The following IRF4 variants were observed in gnomAD, a reference collection of about 807,000 sequenced individuals.
The protein encoded by IRF4 is lymphocyte-specific interferon regulatory factor.
Under a neutral mutation model 55.5 loss-of-function variants are expected in IRF4, and 13 were observed. The ratio of observed to expected loss-of-function variants is 0.23; its 90% confidence interval spans 0.15 to 0.37. IRF4 has a LOEUF of 0.37. Among genes scored for constraint, IRF4 ranks in the 10% least tolerant of loss-of-function variants. The pLI is 1.00. For missense variants in IRF4, 397 were observed against 593.8 expected, an observed-to-expected ratio of 0.67 and a Z score of 3.44; for synonymous variants, 249 against 240.7, an observed-to-expected ratio of 1.03 and a Z score of -0.32.
chr6:401,340 A>G, intron 6 of IRF4, 84 bp from the exon 7 acceptor site: 4 of 1,031,360 alleles, frequency 3.9e-6, no homozygotes, highest in Non-Finnish European at 5.7e-6. Flanking sequence ...GAGTTCCACC[A>G]CAGGTGCTTG....
chr6:400,654 T>C (rs1877178), intron 6 of IRF4, among the ~76,000 whole-genome samples: 35,626 of 152,050 alleles, frequency 0.23, 5,748 homozygotes, highest in East Asian at 0.52. Flanking sequence ...AAAATAAAAA[T>C]ATCACATTCT....
chr6:408,081 C>T lies in IRF4; in HGVS notation c.*483C>T. The T allele has an allele frequency of 4.1e-6, 1 of 243,516 alleles. No individual in the cohort carries two copies. Among genetic ancestry groups the T allele is most frequent in the East Asian group, 6.0e-5 (1 of 16,716 alleles). The allele number at this position is 243,516 out of a possible 1,614,324, so 15.1% of individuals were successfully genotyped here. ...ATGTGTTTACATTTACTGAAATGCG[C>T]TCTTTAATTTGTTGTAGATTAGGTC... On this transcript the variant is annotated 3_prime_UTR_variant, in exon 9 of 9. Transcript: ENST00000380956.
chr6:397,177 C>T lies in IRF4; in HGVS notation c.562C>T (p.Pro188Ser), dbSNP rs1761287286. 5 of 1,614,286 alleles carry T rather than the reference C, an allele frequency of 3.1e-6. No homozygotes were observed. Among genetic ancestry groups the T allele is most frequent in the Admixed American group, 1.7e-5 (1 of 60,034 alleles). ...GGACTACGTCCCGGATCAGCCACACCCGGAAATCCCGTACCAATGTCCCAT... is the reference window on the plus strand; with the variant it reads ...GGACTACGTCCCGGATCAGCCACACTCGGAAATCCCGTACCAATGTCCCAT... ...WRDYVPDQPH[P>S]EIPYQCPMTF... Residue 188 changes from proline to serine, a missense_variant, in exon 5 of 9, where the codon CCG becomes TCG. By Grantham distance (74) the Pro-to-Ser change is moderately conservative. Transcript: ENST00000380956.
intron 6 of IRF4, among the ~76,000 whole-genome samples, chr6:400,421 G>A (rs916425975): frequency 6.6e-6 from 1 of 152,128 alleles, no homozygotes; most frequent in Non-Finnish European, 1.5e-5. Context: ...TCAGCAAAAC[G>A]TTTGTAAATG....
chr6:406,811 C>G (rs928030509), intron 8 of IRF4: 1 of 1,202,004 alleles, frequency 8.3e-7, no homozygotes, highest in African/African-American at 1.6e-5. Flanking sequence ...AATACAGTCT[C>G]TAATATCATG....
chr6:397,058 C>T, intron 4 of IRF4, 50 bp from the exon 5 acceptor site: 1 of 1,601,876 alleles, frequency 6.2e-7, no homozygotes, highest in Non-Finnish European at 8.5e-7. Flanking sequence ...TCCTTTACCC[C>T]CGTCTCAATG....
Position 393,105 on chromosome 6 carries a change from C to G in IRF4, c.-48C>G. On this transcript the variant is annotated 5_prime_UTR_variant, in exon 2 of 9. Coordinates refer to ENST00000380956, the MANE Select transcript of IRF4 (RefSeq NM_002460.4). This position sits in a 1 kb window ranked among gnomAD's most constrained non-coding sequence, Gnocchi z 5.4. ...CAGCTCTTCTCCCCGCAGTGCAGAG[C>G]AGAGCGGGCGGAGGACCCCGGGCGC... is the stretch of plus-strand genomic sequence containing the variant. 2 of 1,507,684 alleles carry G rather than the reference C, an allele frequency of 1.3e-6. No individual in the cohort carries two copies. Among genetic ancestry groups the G allele is most frequent in the Non-Finnish European group, 1.8e-6 (2 of 1,114,278 alleles). The allele number at this position is 1,507,684 out of a possible 1,614,324, so 93.4% of individuals were successfully genotyped here. A position where few individuals can be genotyped will look rare whatever the true frequency, so the allele number is the denominator to read the frequency against.
intron 6 of IRF4, among the ~76,000 whole-genome samples, 171 bp from the exon 7 acceptor site, chr6:401,253 G>T (rs1347729954): frequency 2.6e-5 from 4 of 152,218 alleles, no homozygotes; most frequent in Non-Finnish European, 5.9e-5. Context: ...CTCTGGGGGA[G>T]ACAAGGGCAC....
At chr6:402,122 A>G (rs1296474894) in intron 7 of IRF4, among the ~76,000 whole-genome samples, 1 of 152,184 alleles carries the variant, frequency 6.6e-6, no homozygotes, top group African/African-American at 2.4e-5. Flanking sequence ...AAAATCATAA[A>G]GGTTGGAAGC....
intron 6 of IRF4, among the ~76,000 whole-genome samples, chr6:400,858 A>T (rs1258701292): frequency 6.6e-6 from 1 of 152,058 alleles, no homozygotes; most frequent in African/African-American, 2.4e-5. Context: ...TATTTTGGGG[A>T]CGTTTCAGGT....
At chr6:400,045 G>C (rs1761358726) in intron 6 of IRF4, among the ~76,000 whole-genome samples, 1 of 152,126 alleles carries the variant, frequency 6.6e-6, no homozygotes. Context: ...AATGAAACCT[G>C]CCCCGAGAAT....
intron 7 of IRF4, among the ~76,000 whole-genome samples, chr6:404,424 A>C (rs1007259628): frequency 6.6e-6 from 1 of 152,200 alleles, no homozygotes; most frequent in Non-Finnish European, 1.5e-5. Flanking sequence ...CAAGAAGTCT[A>C]CTCAGAGTTA....
rs143144957 is a variant in IRF4, at chr6:397,219, G to T, written c.604G>T (p.Gly202Cys). Residue 202 changes from glycine (G) to cysteine (C), a missense_variant, in exon 5 of 9, where the codon GGC becomes TGC. Gly to Cys is a radical substitution (Grantham distance 159, BLOSUM62 -3). Coordinates refer to ENST00000380956, the MANE Select transcript of IRF4 (RefSeq NM_002460.4). ...YQCPMTFGPR[G>C]HHWQGPACEN... ...ATGTCCCATGACGTTTGGACCCCGC[G>T]GCCACCACTGGCAAGGCCCAGCTTG... 2 of 1,614,260 alleles carry T rather than the reference G, an allele frequency of 1.2e-6. No individual in the cohort carries two copies. The highest frequency in any genetic ancestry group is 8.5e-7 in the Non-Finnish European group (1 of 1,180,052).
In IRF4 at chr6:408,563, C is replaced by T. The variant is rs1761613897; in HGVS notation, c.*965C>T. 4.4e-6 allele frequency: 1 copy of T among 229,782 alleles called. No individual in the cohort carries two copies. The highest frequency in any genetic ancestry group is 8.6e-6 in the Non-Finnish European group (1 of 115,894). The allele number at this position is 229,782 out of a possible 1,614,324, so 14.2% of individuals were successfully genotyped here. A position where few individuals can be genotyped will look rare whatever the true frequency, so the allele number is the denominator to read the frequency against. On this transcript the variant is annotated 3_prime_UTR_variant, in exon 9 of 9. Transcript: ENST00000380956. ...TTTCTTGTTTCTGCATCTTTTTGAC[C>T]CTCATTCTTTAGAGATGCTAAAATT...
chr6:392,990 T>G (rs1020715347), intron 1 of IRF4, 108 bp from the exon 2 acceptor site: 58 of 623,982 alleles, frequency 9.3e-5, no homozygotes, highest in Middle Eastern at 8.8e-4. Flanking sequence ...CGCGCGCGCT[T>G]CGCAGCCTCA....
At chr6:394,609 C>T (rs1392270567) in intron 2 of IRF4, among the ~76,000 whole-genome samples, 6 of 152,154 alleles carry the variant, frequency 3.9e-5, no homozygotes, top group Admixed American at 1.3e-4. Context: ...ATTAGCCAGG[C>T]ATGGTGGTGA....
chr6:400,245 C>A (rs1761363048), intron 6 of IRF4, among the ~76,000 whole-genome samples: 1 of 152,116 alleles, frequency 6.6e-6, no homozygotes, highest in South Asian at 2.1e-4. Context: ...GCCATGAGCA[C>A]ATTTATTAGA....
At chr6:400,623 A>G (rs1163250645) in intron 6 of IRF4, among the ~76,000 whole-genome samples, 1 of 152,224 alleles carries the variant, frequency 6.6e-6, no homozygotes, top group African/African-American at 2.4e-5. Flanking sequence ...ACTAATTTAA[A>G]AATCAGAAAA....
intron 1 of IRF4, among the ~76,000 whole-genome samples, chr6:392,493 C>A (rs1219577829): frequency 6.6e-6 from 1 of 152,272 alleles, no homozygotes; most frequent in Non-Finnish European, 1.5e-5. Flanking sequence ...CGCGTCTGCG[C>A]CACTTGTCGT....
Sources: allele counts gnomAD v4.1 joint callset (sites outside exome capture counted in the v4.1 genomes callset), GRCh38; gene constraint gnomAD v4.1.1; non-coding constraint Gnocchi (gnomAD v3.1); transcripts MANE v1.5; gene names NCBI Gene and HGNC (gene_info 2026-07-23, HGNC 2026-07-21).